CNN3: variants seen among roughly 807,000 people sequenced by gnomAD.
CNN3 encodes calponin-3.
A neutral mutation model predicts 39.0 loss-of-function variants in CNN3; 11 were observed. The observed-to-expected ratio is 0.28, with a 90% CI of 0.18 to 0.47. The LOEUF is 0.47. CNN3 is among the 20% of genes least tolerant of loss of function. The pLI, the probability that CNN3 is intolerant of heterozygous loss-of-function variation, is 0.99. For missense variants in CNN3, 266 were observed against 403.4 expected, an observed-to-expected ratio of 0.66 and a Z score of 2.92; for synonymous variants, 101 against 138.3, an observed-to-expected ratio of 0.73 and a Z score of 1.89.
chr1:94,903,275 A>G, intron 2 of CNN3, 87 bp from the exon 3 acceptor site: 1 of 1,565,246 alleles, frequency 6.4e-7, no homozygotes, highest in South Asian at 1.2e-5. Flanking sequence ...TAGCATCAGT[A>G]AGGGAAAGCA....
At chr1:94,918,462 C>T (rs190710855) in intron 1 of CNN3, among the ~76,000 whole-genome samples, 2 of 137,522 alleles carry the variant, frequency 1.5e-5, no homozygotes, top group East Asian at 4.1e-4. Flanking sequence ...CCACGGTATT[C>T]CAGCCTGGGC....
rs552776608 is a variant in CNN3, at chr1:94,918,712, G to A, written c.57+8126C>T. ...AGTTCAAAACCATCCTGGCCAACAT[G>A]GTAAAACCCCATCTCTACAAAAAAT... is the stretch of plus-strand genomic sequence containing the variant. On this transcript the variant is annotated intron_variant, in intron 1 of 6. Coordinates refer to ENST00000370206, the MANE Select transcript of CNN3 (RefSeq NM_001839.5). Among the ~76,000 whole-genome samples the A allele has an allele frequency of 8.0e-4, 122 of 151,792 alleles. 2 individuals carry two copies. The highest frequency in any genetic ancestry group is 2.8e-3 in the African/African-American group (115 of 41,382).
At position 94,897,781 on chromosome 1, in the gene CNN3, G is replaced by A. The variant is rs774171877; in HGVS notation, c.951C>T (p.Pro317=). ...EYHGEYQDDY[P]RDYQYSDQGI... ...CTTGGTCGCTATATTGGTAATCTCT[G>A]GGGTAGTCATCCTGGTACTCGCCAT... Residue 317 remains proline (P), a synonymous_variant, in exon 7 of 7, where the codon CCC becomes CCT. Transcript: ENST00000370206. 5 of 1,614,002 alleles carry A rather than the reference G, an allele frequency of 3.1e-6. No individual in the cohort carries two copies. Among genetic ancestry groups the A allele is most frequent in the African/African-American group, 1.3e-5 (1 of 74,926 alleles).
intron 5 of CNN3, 71 bp from the exon 6 acceptor site, chr1:94,899,588 C>T (rs967999442): frequency 1.3e-6 from 2 of 1,495,884 alleles, no homozygotes; most frequent in African/African-American, 1.4e-5. Context: ...ACAAAACTTT[C>T]CATGCTACCA....
intron 1 of CNN3, among the ~76,000 whole-genome samples, chr1:94,921,212 T>C (rs775716814): frequency 1.1e-4 from 17 of 152,104 alleles, no homozygotes; most frequent in Non-Finnish European, 2.2e-4. Context: ...CTGGCCAACA[T>C]GGTGAAACTC....
chr1:94,904,557 C>A (rs1001602531), intron 1 of CNN3, among the ~76,000 whole-genome samples: 8 of 151,954 alleles, frequency 5.3e-5, no homozygotes, highest in African/African-American at 1.9e-4. Context: ...GACTAGCCTG[C>A]ACAACATTGA....
At chr1:94,922,914 C>T (rs1172620958) in intron 1 of CNN3, among the ~76,000 whole-genome samples, 1 of 152,200 alleles carries the variant, frequency 6.6e-6, no homozygotes, top group Non-Finnish European at 1.5e-5. Flanking sequence ...TTGCTCAAAT[C>T]AGACATTCCA....
At position 94,926,342 on chromosome 1, in the gene CNN3, G is replaced by A. The variant is rs1445691694; in HGVS notation, c.57+496C>T. On this transcript the variant is annotated intron_variant, in intron 1 of 6. Transcript: ENST00000370206. The surrounding 1 kb of genome is among the most constrained non-coding windows in gnomAD (Gnocchi z 4.2). ...TCCGTTCCTCGGGGCCCCTGGGGTC[G>A]GCGGGACATTAGGCGGTCTCTCTCC... Among the ~76,000 whole-genome samples the A allele has an allele frequency of 6.6e-6, 1 of 152,130 alleles. No individual in the cohort carries two copies. The highest frequency in any genetic ancestry group is 2.4e-5 in the African/African-American group (1 of 41,452).
intron 1 of CNN3, among the ~76,000 whole-genome samples, chr1:94,921,332 T>G (rs1024970784): frequency 1.3e-5 from 2 of 151,860 alleles, no homozygotes; most frequent in Non-Finnish European, 2.9e-5. Flanking sequence ...GAGGTGGAGG[T>G]TGCAGTGAGC....
rs1017253108 is a variant in CNN3, at chr1:94,899,430, T to C, written c.589A>G (p.Lys197Glu). The C allele has an allele frequency of 6.2e-7, 1 of 1,614,026 alleles. No homozygotes were observed. The highest frequency in any genetic ancestry group is 1.3e-5 in the African/African-American group (1 of 74,944). The change falls in exon 6 of 7, where the codon AAA (lysine) becomes GAA (glutamate). Residue 197 changes from lysine (K) to glutamate (E), a missense_variant. Physicochemically the swap from Lys to Glu is moderately conservative, Grantham distance 56 (BLOSUM62 1). Transcript: ENST00000370206. ...HLYDPKMQTD[K>E]PFDQTTISLQ... ...CTAATTGTGGTCTGGTCAAAAGGTTTGTCAGTTTGCATTTTGGGATCATAA... is the reference window on the plus strand; with the variant it reads ...CTAATTGTGGTCTGGTCAAAAGGTTCGTCAGTTTGCATTTTGGGATCATAA...
In CNN3 at chr1:94,925,740, C is replaced by A. The variant is rs1242367096; in HGVS notation, c.57+1098G>T. The A allele has an allele frequency of 3.0e-6, 3 of 985,362 alleles. No homozygotes were observed. The East Asian group carries it at 3.4e-4, about 112-fold the overall frequency. 61.0% of individuals were successfully genotyped at this position (985,362 alleles called of 1,614,324 possible). A position where few individuals can be genotyped will look rare whatever the true frequency, so the allele number is the denominator to read the frequency against. On this transcript the variant is annotated intron_variant, in intron 1 of 6. Transcript: ENST00000370206. ...GCGGTCGGACGGTGCGGTGGCAATC[C>A]TGACATGCTTGGGCTCCCGGGAGGT...
chr1:94,901,938 A>G (rs1670878791), intron 4 of CNN3, 153 bp from the exon 5 acceptor site: 1 of 702,620 alleles, frequency 1.4e-6, no homozygotes, highest in East Asian at 2.6e-5. Context: ...TTGAAATGTG[A>G]GTGTTCTAAG....
intron 2 of CNN3, 37 bp downstream of exon 2, chr1:94,903,366 G>A (rs767028388): frequency 3.5e-5 from 55 of 1,555,046 alleles, no homozygotes; most frequent in Non-Finnish European, 3.7e-5. Flanking sequence ...GAAAGAACTG[G>A]AAGAGCAGAA....
At chr1:94,903,594 C>T (rs1670923931) in intron 1 of CNN3, 70 bp from the exon 2 acceptor site, 3 of 1,596,206 alleles carry the variant, frequency 1.9e-6, no homozygotes, top group Non-Finnish European at 1.7e-6. Context: ...TCACAACGCG[C>T]TCTGCTTTCA....
chr1:94,911,147 G>A (rs1024279020), intron 1 of CNN3, among the ~76,000 whole-genome samples: 23 of 152,166 alleles, frequency 1.5e-4, no homozygotes, highest in Non-Finnish European at 2.9e-5. Flanking sequence ...TTTTACATTT[G>A]GGACAGTGAT....
chr1:94,902,345 T>A, intron 3 of CNN3, 87 bp from the exon 4 acceptor site: 1 of 1,144,972 alleles, frequency 8.7e-7, no homozygotes, highest in Non-Finnish European at 1.2e-6. Context: ...TAAACAGTTA[T>A]AAGACGCTGC....
chr1:94,905,957 AAAAC>A (rs1402422637), intron 1 of CNN3, among the ~76,000 whole-genome samples: 24 of 152,188 alleles, frequency 1.6e-4, no homozygotes, highest in Admixed American at 2.6e-4. Flanking sequence ...TTTAGAAAAT[AAAAC>A]AAAAATTGGC....
chr1:94,897,658 G>A lies in CNN3; in HGVS notation c.*84C>T. 1 of 1,254,964 alleles carries A rather than the reference G, an allele frequency of 8.0e-7. No homozygotes were observed. Among genetic ancestry groups the A allele is most frequent in the South Asian group, 1.4e-5 (1 of 71,074 alleles). 77.7% of individuals were successfully genotyped at this position (1,254,964 alleles called of 1,614,324 possible). ...AATAAGCTTAATAGTGTTTTAGGAA[G>A]ACAAGATAAAAATTACTCAAGGCTA... On this transcript the variant is annotated 3_prime_UTR_variant, in exon 7 of 7. Transcript: ENST00000370206.
chr1:94,925,537 A>T (rs866475617), intron 1 of CNN3: 1 of 909,940 alleles, frequency 1.1e-6, no homozygotes, highest in African/African-American at 1.8e-5. Flanking sequence ...ACTAAAATCA[A>T]CTCCTTGCTT....
Sources: gnomAD v4.1 joint callset for allele counts (sites outside exome capture counted in the v4.1 genomes callset) on GRCh38, gnomAD v4.1.1 for gene constraint, Gnocchi (gnomAD v3.1) non-coding constraint, MANE v1.5 for transcripts, NCBI Gene and HGNC (gene_info 2026-07-23, HGNC 2026-07-21) for gene names.